The following TRPC4 variants were observed in gnomAD, a reference collection of about 807,000 sequenced individuals.
The protein encoded by TRPC4 is short transient receptor potential channel 4.
A neutral mutation model predicts 99.4 loss-of-function variants in TRPC4; 49 were observed. The ratio of observed to expected loss-of-function variants is 0.49; its 90% CI spans 0.39 to 0.63. The LOEUF is 0.63. TRPC4 is among the 20% of genes least tolerant of loss of function. TRPC4 has a pLI of 0.00. For synonymous variants in TRPC4, 454 were observed against 425.9 expected, an observed-to-expected ratio of 1.07 and a Z score of -0.81; for missense variants, 898 against 1,152.9, an observed-to-expected ratio of 0.78 and a Z score of 3.20.
chr13:37,655,365 TTATA>T (rs61181512), intron 6 of TRPC4, 82 bp from the exon 7 acceptor site: 101 of 370,312 alleles, frequency 2.7e-4, no homozygotes, highest in African/African-American at 1.0e-3. Context: ...CTTGGCATGA[TTATA>T]TATATATATA....
intron 6 of TRPC4, among the ~76,000 whole-genome samples, chr13:37,657,971 G>A (rs1952296472): frequency 1.3e-5 from 2 of 151,954 alleles, no homozygotes; most frequent in South Asian, 4.1e-4. Context: ...TAAGACCCTG[G>A]CCTTAGTGTT....
In TRPC4 at chr13:37,688,647, C is replaced by T. The variant is rs368041325; in HGVS notation, c.1234+3352G>A. ...CTCATACATCAAGAAATTATGAATGCGAGGAAGATCTTTTGAAAACGGAAG... is the reference window on the plus strand; with the variant it reads ...CTCATACATCAAGAAATTATGAATGTGAGGAAGATCTTTTGAAAACGGAAG... On this transcript the variant is annotated intron_variant, in intron 4 of 10. Coordinates refer to ENST00000379705, the MANE Select transcript of TRPC4 (RefSeq NM_016179.4). Among the ~76,000 whole-genome samples the T allele has an allele frequency of 1.6e-3, 239 of 151,986 alleles. 1 individual carries two copies. Among genetic ancestry groups the T allele is most frequent in the African/African-American group, 5.6e-3 (231 of 41,446 alleles).
At chr13:37,747,946 G>A (rs1044328742) in intron 2 of TRPC4, among the ~76,000 whole-genome samples, 6 of 152,132 alleles carry the variant, frequency 3.9e-5, no homozygotes, top group African/African-American at 7.2e-5. Context: ...CTGCAATCTC[G>A]TGTCAGTAAA....
intron 1 of TRPC4, among the ~76,000 whole-genome samples, chr13:37,809,127 C>G (rs1180791191): frequency 6.6e-6 from 1 of 152,072 alleles, no homozygotes; most frequent in Non-Finnish European, 1.5e-5. Flanking sequence ...TCCTCAAACT[C>G]TAAGTGGTAA....
chr13:37,708,799 A>C (rs1235760253), intron 3 of TRPC4, among the ~76,000 whole-genome samples: 1 of 151,478 alleles, frequency 6.6e-6, no homozygotes, highest in Non-Finnish European at 1.5e-5. Context: ...AGTTGAAAGT[A>C]AAAAGTAAAA....
intron 3 of TRPC4, 68 bp from the exon 4 acceptor site, chr13:37,692,403 A>G (rs1953747120): frequency 1.5e-6 from 2 of 1,327,576 alleles, no homozygotes; most frequent in Non-Finnish European, 2.1e-6. Flanking sequence ...ATTCATCAAT[A>G]AGAACACAAT....
chr13:37,676,564 G>A (rs1375376692), intron 4 of TRPC4, among the ~76,000 whole-genome samples: 1 of 151,842 alleles, frequency 6.6e-6, no homozygotes, highest in African/African-American at 2.4e-5. Flanking sequence ...GTAGAGACGG[G>A]GTGTCATCAT....
At chr13:37,692,961 C>T (rs2138884275) in intron 3 of TRPC4, among the ~76,000 whole-genome samples, 1 of 152,260 alleles carries the variant, frequency 6.6e-6, no homozygotes, top group Non-Finnish European at 1.5e-5. Flanking sequence ...ATAAACAATG[C>T]AAACACCTTA....
At chr13:37,778,525 C>G (rs186289142) in intron 2 of TRPC4, among the ~76,000 whole-genome samples, 3 of 151,940 alleles carry the variant, frequency 2.0e-5, no homozygotes, top group Non-Finnish European at 4.4e-5. Context: ...TTCAGTCTGG[C>G]CAACCCACTG....
intron 3 of TRPC4, among the ~76,000 whole-genome samples, chr13:37,729,093 T>C (rs371119349): frequency 2.6e-5 from 4 of 152,000 alleles, no homozygotes; most frequent in African/African-American, 9.7e-5. Flanking sequence ...GAACATAAAC[T>C]TCACGATATT....
intron 3 of TRPC4, among the ~76,000 whole-genome samples, chr13:37,703,445 C>T (rs1954167968): frequency 6.6e-6 from 1 of 151,984 alleles, no homozygotes; most frequent in Admixed American, 6.6e-5. Context: ...TTGTAACTCA[C>T]CTTCTCCCTG....
intron 1 of TRPC4, among the ~76,000 whole-genome samples, chr13:37,851,565 G>A (rs1265296040): frequency 6.6e-6 from 1 of 152,116 alleles, no homozygotes; most frequent in Non-Finnish European, 1.5e-5. Context: ...TCAATAAATT[G>A]GTTTAAGAGG....
chr13:37,719,155 A>G (rs1425225837), intron 3 of TRPC4, among the ~76,000 whole-genome samples: 4 of 152,232 alleles, frequency 2.6e-5, no homozygotes, highest in African/African-American at 7.2e-5. Context: ...GAAAGACAAA[A>G]AACTGTCAAT....
At chr13:37,854,003 G>T (rs552083699) in intron 1 of TRPC4, among the ~76,000 whole-genome samples, 1 of 152,102 alleles carries the variant, frequency 6.6e-6, no homozygotes, top group African/African-American at 2.4e-5. Flanking sequence ...GATAGGGATA[G>T]AAAGTATATT....
intron 3 of TRPC4, among the ~76,000 whole-genome samples, chr13:37,710,787 T>C (rs1954457646): frequency 6.6e-6 from 1 of 151,916 alleles, no homozygotes; most frequent in South Asian, 2.1e-4. Context: ...TATCTGGCCA[T>C]GGATTTTATC....
chr13:37,692,716 A>G (rs1953757978), intron 3 of TRPC4, among the ~76,000 whole-genome samples: 1 of 152,192 alleles, frequency 6.6e-6, no homozygotes, highest in African/African-American at 2.4e-5. Context: ...CTTTTTTGAT[A>G]TAGTTGTTAT....
At chr13:37,788,902 T>C (rs1304813624) in intron 1 of TRPC4, among the ~76,000 whole-genome samples, 1 of 152,138 alleles carries the variant, frequency 6.6e-6, no homozygotes, top group East Asian at 1.9e-4. Context: ...ATATTAACAA[T>C]CATTTCTATG....
intron 3 of TRPC4, among the ~76,000 whole-genome samples, chr13:37,713,452 T>G (rs1032358667): frequency 2.9e-4 from 44 of 152,336 alleles, no homozygotes; most frequent in African/African-American, 1.1e-3. Flanking sequence ...ACAACTTTTC[T>G]TTTCTTTCTT....
chr13:37,812,175 T>C (rs1476556657), intron 1 of TRPC4, among the ~76,000 whole-genome samples: 4 of 5,204 alleles, frequency 7.7e-4, no homozygotes, highest in Admixed American at 4.1e-3. Flanking sequence ...TGAGACTCTA[T>C]CAAAAAAAAA....
Sources: allele counts gnomAD v4.1 joint callset (sites outside exome capture counted in the v4.1 genomes callset), GRCh38; gene constraint gnomAD v4.1.1; transcripts MANE v1.5; gene names NCBI Gene and HGNC (gene_info 2026-07-23, HGNC 2026-07-21).